CXXC4: variants seen among roughly 807,000 people sequenced by gnomAD.
CXXC4 encodes the protein CXXC finger protein 4.
Under a neutral mutation model 20.5 loss-of-function variants are expected in CXXC4, and 5 were observed. That is an observed-to-expected ratio of 0.24 (90% CI 0.13 to 0.51). The LOEUF (loss-of-function observed/expected upper bound fraction) is 0.51, where lower values mean the gene tolerates loss of function less well. CXXC4 is among the 20% of genes least tolerant of loss of function. The probability of loss-of-function intolerance (pLI) is 0.97; values close to 1 mark genes in which losing one functional copy is unlikely to be tolerated. For synonymous variants in CXXC4, 250 were observed against 216.4 expected, an observed-to-expected ratio of 1.16 and a Z score of -1.36; for missense variants, 419 against 496.4, an observed-to-expected ratio of 0.84 and a Z score of 1.48.
At chr4:104,494,414 T>G (rs1156898200) in intron 1 of CXXC4, 3 of 151,954 alleles carry the variant, frequency 2.0e-5, no homozygotes, top group East Asian at 3.9e-4. Context: ...CTTGCTGGAG[T>G]CCAGCATTAA....
intron 2 of CXXC4, among the ~76,000 whole-genome samples, chr4:104,483,267 A>G (rs1040956724): frequency 6.6e-6 from 1 of 151,952 alleles, no homozygotes; most frequent in Non-Finnish European, 1.5e-5. Flanking sequence ...TCCATCATCT[A>G]AAAAGCTTTT....
chr4:104,493,994 G>A (rs1019293631), intron 1 of CXXC4, among the ~76,000 whole-genome samples: 2 of 152,108 alleles, frequency 1.3e-5, no homozygotes, highest in South Asian at 2.1e-4. Context: ...TTAGAGTGGT[G>A]TTTCCAAACA....
At chr4:104,490,694 G>T in intron 2 of CXXC4, 50 bp downstream of exon 2, 1 of 1,471,824 alleles carries the variant, frequency 6.8e-7, no homozygotes, top group Non-Finnish European at 9.3e-7. Flanking sequence ...GGGAGAGGGA[G>T]TGAGGAGGGA....
intron 1 of CXXC4, among the ~76,000 whole-genome samples, chr4:104,493,517 T>TGAA (rs1161957045): frequency 6.6e-6 from 1 of 152,176 alleles, no homozygotes; most frequent in Non-Finnish European, 1.5e-5. Context: ...CAAGACCTAC[T>TGAA]GATGAGGTGC....
intron 2 of CXXC4, among the ~76,000 whole-genome samples, chr4:104,477,150 C>T (rs780391915): frequency 1.3e-5 from 2 of 152,014 alleles, no homozygotes; most frequent in Non-Finnish European, 2.9e-5. Context: ...ATAAATATGA[C>T]AAAACATAAT....
At chr4:104,488,476 T>C (rs1024656740) in intron 2 of CXXC4, among the ~76,000 whole-genome samples, 2 of 152,198 alleles carry the variant, frequency 1.3e-5, no homozygotes, top group Non-Finnish European at 2.9e-5. Flanking sequence ...AAAAAGCTTT[T>C]TATTTCTTTT....
At position 104,491,874 on chromosome 4, in the gene CXXC4, G is replaced by GTT; in HGVS notation, c.-73_-72insAA. The GTT allele has an allele frequency of 2.2e-6, 1 of 450,824 alleles. No homozygotes were observed. Among genetic ancestry groups the GTT allele is most frequent in the Non-Finnish European group, 2.9e-6 (1 of 349,750 alleles). The allele number at this position is 450,824 out of a possible 1,614,324, so 27.9% of individuals were successfully genotyped here. ...TGGTCCGACACCTGGGTGGAAAAGG[G>GTT]GGAAAGGTGGGGGGGAGGGAAGGGA... On this transcript the variant is annotated 5_prime_UTR_variant, in exon 2 of 3. Transcript: ENST00000394767.
rs1456235520 is a variant in CXXC4, at chr4:104,491,580, C to CGCT, written c.220_222dup (p.Ser74dup). ...CGCGCGGCGGCCGCGGCGGCGGCGG[C>CGCT]GCTGCTGGGGAAGATGGGGGTGGTG... On this transcript the variant is annotated inframe_insertion, in exon 2 of 3. Coordinates refer to ENST00000394767, the MANE Select transcript of CXXC4 (RefSeq NM_025212.4). 2 of 1,521,400 alleles carry CGCT rather than the reference C, an allele frequency of 1.3e-6. No homozygotes were observed. Among genetic ancestry groups the CGCT allele is most frequent in the Non-Finnish European group, 1.8e-6 (2 of 1,134,372 alleles). The allele number at this position is 1,521,400 out of a possible 1,614,324, so 94.2% of individuals were successfully genotyped here.
intron 2 of CXXC4, among the ~76,000 whole-genome samples, chr4:104,477,789 C>T (rs1251458735): frequency 6.6e-6 from 1 of 151,902 alleles, no homozygotes; most frequent in Non-Finnish European, 1.5e-5. Flanking sequence ...AATTACACCT[C>T]ACTTTTTTCT....
Position 104,491,333 on chromosome 4 carries a change from C to G in CXXC4, c.470G>C (p.Gly157Ala), listed in dbSNP as rs200631919. The part of the protein sequence containing the change: ...SSSSAILPAG[G>A]GGGGGGGGSR... ...GCCGCCGCCGCCGCCGCCGCCGCCA[C>G]CGCCGGCGGGGAGGATCGCCGAGGA... is the stretch of plus-strand genomic sequence containing the variant. Residue 157 changes from glycine to alanine, a missense_variant, in exon 2 of 3, where the codon GGT (glycine) becomes GCT (alanine). Physicochemically the swap from Gly to Ala is moderately conservative, Grantham distance 60 (BLOSUM62 0). Transcript: ENST00000394767. The G allele has an allele frequency of 5.5e-5, 86 of 1,552,582 alleles. No homozygotes were observed. Among genetic ancestry groups the G allele is most frequent in the East Asian group, 4.7e-4 (19 of 40,340 alleles).
At chr4:104,486,394 G>A (rs936994128) in intron 2 of CXXC4, among the ~76,000 whole-genome samples, 1 of 151,950 alleles carries the variant, frequency 6.6e-6, no homozygotes. Context: ...AAATTCATTT[G>A]TGGCTTTAGT....
At chr4:104,489,685 T>C (rs948327928) in intron 2 of CXXC4, among the ~76,000 whole-genome samples, 1 of 152,220 alleles carries the variant, frequency 6.6e-6, no homozygotes, top group Admixed American at 6.5e-5. Flanking sequence ...ACCACCAAAG[T>C]CATTTACCTG....
intron 2 of CXXC4, among the ~76,000 whole-genome samples, chr4:104,479,890 C>G (rs1270758764): frequency 6.6e-6 from 1 of 151,330 alleles, no homozygotes; most frequent in Non-Finnish European, 1.5e-5. Context: ...AATTAACAAT[C>G]ACTCTGACTT....
At position 104,491,765 on chromosome 4, in the gene CXXC4, G is replaced by A. The variant is rs1404942220; in HGVS notation, c.38C>T (p.Pro13Leu). ...TTCCTTGGGCAAGCCCGGGGCCTCC[G>A]GGCTCGGCCCGGGCTCCACGCAGAC... is the stretch of plus-strand genomic sequence containing the variant. ...TNVCVEPGPSPEAPGLPKESH... is the reference protein window; with the variant it reads ...TNVCVEPGPSLEAPGLPKESH... Residue 13 changes from proline (P) to leucine (L), a missense_variant, in exon 2 of 3, where the codon CCG becomes CTG. Physicochemically the swap from Pro to Leu is moderately conservative, Grantham distance 98. Transcript: ENST00000394767. The A allele has an allele frequency of 6.5e-7, 1 of 1,531,822 alleles. No individual in the cohort carries two copies. The highest frequency in any genetic ancestry group is 2.6e-5 in the East Asian group (1 of 38,868). 94.9% of individuals were successfully genotyped at this position (1,531,822 alleles called of 1,614,324 possible). A position where few individuals can be genotyped will look rare whatever the true frequency, so the allele number is the denominator to read the frequency against.
At chr4:104,473,221 C>T (rs181805441) in intron 2 of CXXC4, among the ~76,000 whole-genome samples, 11 of 151,886 alleles carry the variant, frequency 7.2e-5, no homozygotes, top group African/African-American at 2.4e-4. Flanking sequence ...GAGAACCATA[C>T]TCATAAAATA....
chr4:104,475,825 C>A (rs1736386451), intron 2 of CXXC4, among the ~76,000 whole-genome samples: 1 of 152,040 alleles, frequency 6.6e-6, no homozygotes, highest in African/African-American at 2.4e-5. Flanking sequence ...AAGCCAGATT[C>A]CCCTGAAGAG....
Position 104,469,449 on chromosome 4 carries a change from A to G in CXXC4, c.*2873T>C, listed in dbSNP as rs899888487. 2 of 152,112 alleles carry G rather than the reference A, an allele frequency of 1.3e-5. No homozygotes were observed. The highest frequency in any genetic ancestry group is 1.5e-5 in the Non-Finnish European group (1 of 67,988). 9.4% of individuals were successfully genotyped at this position (152,112 alleles called of 1,614,324 possible). ...CTGATATATAATTATTAAGTTGTGT[A>G]TAGCTGTCCACACAATCTACATTCT... On this transcript the variant is annotated 3_prime_UTR_variant, in exon 3 of 3. Transcript: ENST00000394767.
intron 2 of CXXC4, chr4:104,475,215 A>C (rs115920578): frequency 5.3e-5 from 8 of 152,252 alleles, no homozygotes; most frequent in African/African-American, 1.9e-4. Flanking sequence ...TCTTTTAAAA[A>C]TTATTTCTTC....
At chr4:104,474,095 T>C (rs1380187520) in intron 2 of CXXC4, among the ~76,000 whole-genome samples, 4 of 152,022 alleles carry the variant, frequency 2.6e-5, no homozygotes, top group Admixed American at 2.6e-4. Context: ...GAACAAATCA[T>C]TGATAAATGA....
Sources: allele counts gnomAD v4.1 joint callset (sites outside exome capture counted in the v4.1 genomes callset), GRCh38; gene constraint gnomAD v4.1.1; transcripts MANE v1.5; gene names NCBI Gene and HGNC (gene_info 2026-07-23, HGNC 2026-07-21).